The following AGK variants were observed in gnomAD, a reference collection of about 807,000 sequenced individuals.
AGK encodes the protein acylglycerol kinase, mitochondrial.
Under a neutral mutation model 66.4 loss-of-function variants are expected in AGK, and 52 were observed. That is an observed-to-expected ratio of 0.78 (90% confidence interval 0.63 to 0.99). The LOEUF (loss-of-function observed/expected upper bound fraction) is 0.99, where lower values mean the gene tolerates loss of function less well. Among genes scored for constraint, AGK ranks in the 50% least tolerant of loss-of-function variants. AGK has a pLI of 0.00. For synonymous variants in AGK, 182 were observed against 181.1 expected, an observed-to-expected ratio of 1.00 and a Z score of -0.04; for missense variants, 451 against 506.6, an observed-to-expected ratio of 0.89 and a Z score of 1.05.
At chr7:141,639,409 G>C (rs1371171142) in intron 11 of AGK, among the ~76,000 whole-genome samples, 1 of 152,160 alleles carries the variant, frequency 6.6e-6, no homozygotes, top group East Asian at 1.9e-4. Flanking sequence ...AAAAAGAAAA[G>C]AATGTGAGGA....
chr7:141,602,173 T>TTTGTGTGTGTGTGTGTG (rs1554400561), intron 5 of AGK, among the ~76,000 whole-genome samples: 1 of 125,314 alleles, frequency 8.0e-6, no homozygotes. Context: ...GGAGATTTTC[T>TTTGTGTGTGTGTGTGTG]TGTGTGTGTG....
intron 9 of AGK, among the ~76,000 whole-genome samples, chr7:141,626,840 G>T (rs761132726): frequency 8.5e-5 from 13 of 152,314 alleles, no homozygotes; most frequent in South Asian, 2.1e-4. Flanking sequence ...AACAATTAGA[G>T]AAATTTTAGT....
chr7:141,588,761 A>AG (rs893593388), intron 2 of AGK, among the ~76,000 whole-genome samples: 3 of 152,174 alleles, frequency 2.0e-5, no homozygotes, highest in Non-Finnish European at 4.4e-5. Flanking sequence ...TTTTTCAGAA[A>AG]GGGATGGGCA....
chr7:141,582,752 A>G (rs541633519), intron 2 of AGK, among the ~76,000 whole-genome samples: 4 of 152,004 alleles, frequency 2.6e-5, no homozygotes, highest in Admixed American at 2.0e-4. Flanking sequence ...CAGATGGGGG[A>G]GAGCTAGCCA....
chr7:141,651,648 C>G lies in AGK; in HGVS notation c.1131+39C>G, dbSNP rs754379799. On this transcript the variant is annotated intron_variant, in intron 15 of 15. Transcript: ENST00000649286. ...GGGTCGGTAGTCACAGCATTTGATT[C>G]GTTCGTCATCGGCCTGCCCCTCTGT... The G allele has an allele frequency of 3.8e-6, 6 of 1,569,028 alleles. No individual in the cohort carries two copies. The East Asian group carries it at 1.1e-4, about 29-fold the overall frequency.
intron 5 of AGK, 121 bp downstream of exon 5, chr7:141,601,401 G>GC: frequency 1.5e-6 from 1 of 676,776 alleles, no homozygotes; most frequent in South Asian, 2.2e-5. Flanking sequence ...GTTGTATCCT[G>GC]TTCTGACAAT....
intron 2 of AGK, among the ~76,000 whole-genome samples, chr7:141,574,748 G>A (rs539915135): frequency 5.9e-5 from 9 of 152,224 alleles, no homozygotes; most frequent in Admixed American, 4.6e-4. Flanking sequence ...GGTACTTGAA[G>A]TATTCACAAG....
chr7:141,592,253 G>A (rs1796137703), intron 2 of AGK, among the ~76,000 whole-genome samples: 1 of 152,192 alleles, frequency 6.6e-6, no homozygotes. Flanking sequence ...AGTGTGGCAA[G>A]GGCTATGTTC....
chr7:141,585,431 G>A (rs1357595078), intron 2 of AGK, among the ~76,000 whole-genome samples: 1 of 152,200 alleles, frequency 6.6e-6, no homozygotes, highest in Non-Finnish European at 1.5e-5. Context: ...ACAGCCACTG[G>A]CAATATCATG....
intron 9 of AGK, among the ~76,000 whole-genome samples, chr7:141,627,946 A>G (rs893126690): frequency 2.0e-5 from 3 of 152,192 alleles, no homozygotes; most frequent in Non-Finnish European, 2.9e-5. Flanking sequence ...CAGTGGCACA[A>G]TCTTGGCTCA....
chr7:141,648,847 AC>A lies in AGK; in HGVS notation c.976-414del, dbSNP rs1441352488. Reference sequence around the variant, plus strand: ...AAGCACAGGCACTTGGGCTCTCCACACCAAGCAGCCGATTCCATGCTGTCAT... The same window carrying A: ...AAGCACAGGCACTTGGGCTCTCCACACAAGCAGCCGATTCCATGCTGTCAT... On this transcript the variant is annotated intron_variant, in intron 13 of 15. Transcript: ENST00000649286. 1.1e-4 allele frequency among the ~76,000 whole-genome samples: 17 copies of A among 152,260 alleles called. 1 individual carries two copies. The highest frequency in any genetic ancestry group is 4.1e-4 in the African/African-American group (17 of 41,552).
In AGK at chr7:141,615,463, C is replaced by A; in HGVS notation, c.424-8C>A. 1.2e-6 allele frequency: 2 copies of A among 1,611,500 alleles called. No individual in the cohort carries two copies. Among genetic ancestry groups the A allele is most frequent in the Non-Finnish European group, 1.7e-6 (2 of 1,177,906 alleles). On this transcript the variant is annotated splice_polypyrimidine_tract_variant and splice_region_variant and intron_variant, in intron 7 of 15. Coordinates refer to ENST00000649286, the MANE Select transcript of AGK (RefSeq NM_018238.4). ...ACAATAAAACTTTCCTCTTCTTTCC[C>A]CCCCCAGGCTACCTTCAGTAAGATT...
intron 2 of AGK, among the ~76,000 whole-genome samples, chr7:141,591,356 G>T (rs1316282286): frequency 2.0e-5 from 3 of 152,052 alleles, no homozygotes; most frequent in Admixed American, 2.0e-4. Context: ...TCCTCCCAAA[G>T]TGCTAAGATT....
chr7:141,637,973 G>A (rs775959504), intron 11 of AGK, among the ~76,000 whole-genome samples: 3 of 152,104 alleles, frequency 2.0e-5, no homozygotes, highest in African/African-American at 2.4e-5. Context: ...TAGTAAAATC[G>A]GTTATTCCTC....
At chr7:141,603,737 C>T (rs1216424559) in intron 5 of AGK, among the ~76,000 whole-genome samples, 1 of 152,068 alleles carries the variant, frequency 6.6e-6, no homozygotes, top group African/African-American at 2.4e-5. Flanking sequence ...GGGTGGTCTT[C>T]GATGGCTTTA....
chr7:141,574,728 G>T (rs1587077428), intron 2 of AGK, among the ~76,000 whole-genome samples: 1 of 152,208 alleles, frequency 6.6e-6, no homozygotes, highest in African/African-American at 2.4e-5. Context: ...GAAAATCTGA[G>T]AAATTAGAAG....
In AGK at chr7:141,652,964, A is replaced by C. The variant is rs1171952695; in HGVS notation, c.*40A>C. Reference sequence around the variant, plus strand: ...GCACTCTGAGACCACACTTTAGGCCACCGGTGGGACCAAAAGGGAACAGGT... The same window carrying C: ...GCACTCTGAGACCACACTTTAGGCCCCCGGTGGGACCAAAAGGGAACAGGT... On this transcript the variant is annotated 3_prime_UTR_variant, in exon 16 of 16. Transcript: ENST00000649286. 1 of 1,610,450 alleles carries C rather than the reference A, an allele frequency of 6.2e-7. No homozygotes were observed. Among genetic ancestry groups the C allele is most frequent in the Non-Finnish European group, 8.5e-7 (1 of 1,178,578 alleles).
At chr7:141,630,639 A>G (rs1299146109) in intron 9 of AGK, among the ~76,000 whole-genome samples, 1 of 152,078 alleles carries the variant, frequency 6.6e-6, no homozygotes, top group African/African-American at 2.4e-5. Flanking sequence ...CCTGATACTC[A>G]ATAGGTATCT....
chr7:141,571,094 C>T (rs1018497741), intron 2 of AGK, among the ~76,000 whole-genome samples: 5 of 152,170 alleles, frequency 3.3e-5, no homozygotes, highest in African/African-American at 1.2e-4. Context: ...TTATTATATT[C>T]ATTATAACTT....
Sources: allele counts gnomAD v4.1 joint callset (sites outside exome capture counted in the v4.1 genomes callset), GRCh38; gene constraint gnomAD v4.1.1; transcripts MANE v1.5; gene names NCBI Gene and HGNC (gene_info 2026-07-23, HGNC 2026-07-21).